LRBA: variants seen among roughly 807,000 people sequenced by gnomAD.
The protein encoded by LRBA is LPS responsive beige-like anchor protein, also known as lipopolysaccharide-responsive and beige-like anchor protein.
LRBA carries 176 observed loss-of-function variants against 330.0 expected under a neutral mutation model. The ratio of observed to expected loss-of-function variants is 0.53; its 90% CI spans 0.47 to 0.60. LRBA has a LOEUF of 0.60. LRBA is among the 20% of genes least tolerant of loss of function. The pLI is 0.00. For missense variants in LRBA, 3,259 were observed against 3,444.8 expected (o/e 0.95, Z 1.35); for synonymous variants, 1,230 against 1,193.0 (o/e 1.03, Z -0.64).
At chr4:150,337,267 G>C (rs550280319) in intron 48 of LRBA, among the ~76,000 whole-genome samples, 1 of 152,216 alleles carries the variant, frequency 6.6e-6, no homozygotes, top group Admixed American at 6.5e-5. Flanking sequence ...CATGACAAAA[G>C]TCATCAGTAT....
chr4:151,002,151 C>CCAGAGGAAAGATATCAATGTAACGA (rs1743422824), intron 2 of LRBA, among the ~76,000 whole-genome samples: 1 of 131,054 alleles, frequency 7.6e-6, no homozygotes, highest in South Asian at 2.4e-4. Context: ...CATTACTACA[C>CCAGAGGAAAGATATCAATGTAACGA]CAGAGGAAAG....
chr4:151,012,755 CAT>C (rs1238373472), intron 2 of LRBA: 9 of 151,096 alleles, frequency 6.0e-5, no homozygotes, highest in African/African-American at 1.9e-4. Flanking sequence ...AATAAACTGA[CAT>C]AGAAATATCC....
Position 150,678,242 on chromosome 4 carries a change from A to G in LRBA, c.5921+5309T>C, listed in dbSNP as rs566454094. Among the ~76,000 whole-genome samples, 600 of 150,918 alleles carry G rather than the reference A, an allele frequency of 4.0e-3. 4 individuals carry two copies. The highest frequency in any genetic ancestry group is 0.014 in the African/African-American group (580 of 41,114). On this transcript the variant is annotated intron_variant, in intron 37 of 56. Transcript: ENST00000651943. ...GGTGACAGAGTGAGACTCTGTCTCC[A>G]AGAAAAAAAAAAAAAAAGAAAGAAA...
At chr4:150,276,306 G>A (rs533179445) in intron 56 of LRBA, among the ~76,000 whole-genome samples, 9 of 152,252 alleles carry the variant, frequency 5.9e-5, no homozygotes, top group Admixed American at 2.6e-4. Flanking sequence ...AGACTTAAAC[G>A]TAAGGCCTAA....
At chr4:150,643,994 A>G (rs1778913183) in intron 37 of LRBA, among the ~76,000 whole-genome samples, 2 of 152,066 alleles carry the variant, frequency 1.3e-5, no homozygotes, top group East Asian at 3.9e-4. Flanking sequence ...TAATGTAGCT[A>G]TAGATGACCG....
At chr4:150,874,238 T>G (rs1753757468) in intron 17 of LRBA, among the ~76,000 whole-genome samples, 1 of 152,114 alleles carries the variant, frequency 6.6e-6, no homozygotes, top group Admixed American at 6.5e-5. Context: ...ACCAGAATCA[T>G]GAAAGGCACC....
chr4:150,473,290 T>A (rs1027767965), intron 42 of LRBA, among the ~76,000 whole-genome samples: 13 of 152,208 alleles, frequency 8.5e-5, no homozygotes, highest in African/African-American at 1.2e-4. Context: ...TTTATTGAGC[T>A]GTTTGCATTT....
chr4:150,854,984 A>G (rs1227747376), intron 22 of LRBA, among the ~76,000 whole-genome samples: 1 of 152,110 alleles, frequency 6.6e-6, no homozygotes, highest in Non-Finnish European at 1.5e-5. Flanking sequence ...GTGGCTGGGC[A>G]CGGTGGCTCA....
intron 47 of LRBA, among the ~76,000 whole-genome samples, chr4:150,382,621 T>TC (rs1280718050): frequency 8.4e-6 from 1 of 119,332 alleles, no homozygotes; most frequent in East Asian, 2.3e-4. Context: ...AGACTCTGTT[T>TC]CAAAAAAAAA....
chr4:150,792,849 G>A (rs1179454156), intron 34 of LRBA, among the ~76,000 whole-genome samples: 1 of 152,166 alleles, frequency 6.6e-6, no homozygotes, highest in Non-Finnish European at 1.5e-5. Flanking sequence ...GGGAGGCCTA[G>A]GCGGGCGAAT....
intron 42 of LRBA, among the ~76,000 whole-genome samples, chr4:150,483,072 G>C (rs1757473348): frequency 6.6e-6 from 1 of 151,992 alleles, no homozygotes. Context: ...AGGTCACAAA[G>C]ATTTTTCTCC....
chr4:150,754,809 C>A (rs921010346), intron 35 of LRBA, among the ~76,000 whole-genome samples: 1 of 152,064 alleles, frequency 6.6e-6, no homozygotes, highest in East Asian at 1.9e-4. Context: ...TATCTTCCCA[C>A]ATATATAATT....
chr4:150,797,325 C>T (rs1050284414), intron 34 of LRBA, among the ~76,000 whole-genome samples: 1 of 151,712 alleles, frequency 6.6e-6, no homozygotes, highest in Admixed American at 6.6e-5. Flanking sequence ...CCCTTGACCT[C>T]TAGACCAATA....
chr4:150,587,771 T>C (rs938833964), intron 40 of LRBA, among the ~76,000 whole-genome samples: 1 of 152,172 alleles, frequency 6.6e-6, no homozygotes, highest in Non-Finnish European at 1.5e-5. Flanking sequence ...AGGCAAAATA[T>C]ATTTATAGAC....
chr4:150,375,968 T>C (rs978868582), intron 47 of LRBA, among the ~76,000 whole-genome samples: 2 of 152,310 alleles, frequency 1.3e-5, no homozygotes, highest in Admixed American at 1.3e-4. Flanking sequence ...TCTCTAACAC[T>C]GATCTCTCCC....
At chr4:150,638,914 T>C (rs1337966717) in intron 37 of LRBA, among the ~76,000 whole-genome samples, 1 of 100,704 alleles carries the variant, frequency 9.9e-6, no homozygotes, top group African/African-American at 3.9e-5. Flanking sequence ...GTATGTTTAT[T>C]GCGGCATTAT....
chr4:150,758,572 CTTT>C (rs35416240), intron 35 of LRBA, among the ~76,000 whole-genome samples: 25 of 116,986 alleles, frequency 2.1e-4, no homozygotes, highest in Non-Finnish European at 2.3e-4. Flanking sequence ...ATCTCTTTGT[CTTT>C]TTTTTTTTTT....
chr4:150,747,524 G>A (rs1233332208), intron 35 of LRBA, among the ~76,000 whole-genome samples: 1 of 152,200 alleles, frequency 6.6e-6, no homozygotes, highest in Non-Finnish European at 1.5e-5. Context: ...CTTCTAAGCT[G>A]CTAACTGTAA....
chr4:150,889,898 T>C (rs1293936368), intron 17 of LRBA, among the ~76,000 whole-genome samples: 1 of 152,050 alleles, frequency 6.6e-6, no homozygotes, highest in Non-Finnish European at 1.5e-5. Flanking sequence ...ATAATGAGAA[T>C]GACAGTGCCA....
Sources: gnomAD v4.1 joint callset for allele counts (sites outside exome capture counted in the v4.1 genomes callset) on GRCh38, gnomAD v4.1.1 for gene constraint, MANE v1.5 for transcripts, NCBI Gene and HGNC (gene_info 2026-07-23, HGNC 2026-07-21) for gene names.